ADGRL4: variants seen among roughly 807,000 people sequenced by gnomAD.
ADGRL4 encodes the protein adhesion G protein-coupled receptor L4.
In ADGRL4, 90 loss-of-function variants were observed where a neutral mutation model predicts 74.8. The observed-to-expected ratio is 1.20, with a 90% CI of 1.02 to 1.43. The LOEUF (loss-of-function observed/expected upper bound fraction) is 1.43. Ranked by LOEUF, ADGRL4 falls within the 40% of genes most tolerant of loss-of-function variation. The pLI is 0.00. For missense variants in ADGRL4, 881 were observed against 814.3 expected (o/e 1.08, Z -1.00); for synonymous variants, 311 against 279.2 (o/e 1.11, Z -1.14).
At position 78,937,949 on chromosome 1, in the gene ADGRL4, T is replaced by C. The variant is rs201459206; in HGVS notation, c.618A>G (p.Thr206=). The change falls in exon 6 of 15, where the codon ACA becomes ACG. Residue 206 remains threonine, a synonymous_variant. Transcript: ENST00000370742. The stretch of plus-strand genomic sequence containing the variant: ...CAGATAACTTGTCCCAAACTACAAA[T>C]GTATCCCTTTGAACAAAATTATTCA... ...KTVNNFVQRD[T]FVVWDKLSVN... 18 of 1,612,262 alleles carry C rather than the reference T, an allele frequency of 1.1e-5. No individual in the cohort carries two copies. The highest frequency in any genetic ancestry group is 1.3e-5 in the Non-Finnish European group (15 of 1,179,570).
chr1:78,946,537 G>T, intron 2 of ADGRL4, 111 bp from the exon 3 acceptor site: 1 of 846,818 alleles, frequency 1.2e-6, no homozygotes, highest in Non-Finnish European at 1.8e-6. Context: ...GGTATGTGAT[G>T]TTTATATCTA....
intron 10 of ADGRL4, 119 bp from the exon 11 acceptor site, chr1:78,918,169 T>G (rs1266420822): frequency 2.8e-6 from 2 of 720,788 alleles, no homozygotes; most frequent in East Asian, 5.4e-5. Flanking sequence ...GTATGCCACT[T>G]TATATAATGA....
At position 79,006,695 on chromosome 1, in the gene ADGRL4, G is replaced by A. The variant is rs754119998; in HGVS notation, c.-41C>T. ...TGGTGGCGGTGGCGGAGAGCGCGGC[G>A]GAGTGAGTGCGGCTGTGGACCCGGG... On this transcript the variant is annotated 5_prime_UTR_variant, in exon 1 of 15. Transcript: ENST00000370742. 4 of 1,460,342 alleles carry A rather than the reference G, an allele frequency of 2.7e-6. No individual in the cohort carries two copies. The highest frequency in any genetic ancestry group is 2.7e-6 in the Non-Finnish European group (3 of 1,108,112). The allele number at this position is 1,460,342 out of a possible 1,614,324, so 90.5% of individuals were successfully genotyped here. A position where few individuals can be genotyped will look rare whatever the true frequency, so the allele number is the denominator to read the frequency against.
chr1:78,958,509 G>A (rs1356310529), intron 2 of ADGRL4, among the ~76,000 whole-genome samples: 1 of 152,128 alleles, frequency 6.6e-6, no homozygotes, highest in African/African-American at 2.4e-5. Context: ...CTTCAGTGGA[G>A]GAAGTAACTG....
Position 78,920,254 on chromosome 1 carries a change from TG to T in ADGRL4, c.1389del (p.His463GlnfsTer40), listed in dbSNP as rs776474128. ...AGAAATAGGCTACAGCAAAGATTTT[TG>T]TGAATTGTTGTCCTGGTGCTTTGAA... ...SEIQSTRTTI[H>X]KNLCCSLFLA... On this transcript the variant is annotated frameshift_variant, in exon 10 of 15. Transcript: ENST00000370742. LOFTEE classifies it high-confidence loss of function. 1 of 1,612,144 alleles carries T rather than the reference TG, an allele frequency of 6.2e-7. No homozygotes were observed.
Position 78,917,706 on chromosome 1 carries a change from A to G in ADGRL4, c.1683-6T>C. The G allele has an allele frequency of 2.5e-6, 4 of 1,604,104 alleles. No homozygotes were observed. The highest frequency in any genetic ancestry group is 2.6e-6 in the Non-Finnish European group (3 of 1,174,694). On this transcript the variant is annotated splice_polypyrimidine_tract_variant and splice_region_variant and intron_variant, in intron 11 of 14. Coordinates refer to ENST00000370742, the MANE Select transcript of ADGRL4 (RefSeq NM_022159.4). ...TTTCGGTGCTAAGCCAACATCTGAA[A>G]AGTAAATAAAAGATAGAATCTATAA...
At chr1:78,973,446 T>C (rs1489385) in intron 2 of ADGRL4, among the ~76,000 whole-genome samples, 150,512 of 151,606 alleles carry the variant, frequency 0.99, 74,727 homozygotes, top group Middle Eastern at 1. Flanking sequence ...TAAGACTGCA[T>C]TTAAAGTTTC....
intron 12 of ADGRL4, among the ~76,000 whole-genome samples, chr1:78,894,730 T>G (rs574893158): frequency 1.3e-5 from 2 of 151,966 alleles, no homozygotes; most frequent in African/African-American, 4.8e-5. Context: ...CCATTATTGG[T>G]TTGAAAAACT....
chr1:78,901,127 A>G (rs900579209), intron 12 of ADGRL4, among the ~76,000 whole-genome samples: 2 of 152,200 alleles, frequency 1.3e-5, no homozygotes, highest in African/African-American at 4.8e-5. Flanking sequence ...AAATATTAAT[A>G]TTAATTCCAT....
intron 12 of ADGRL4, among the ~76,000 whole-genome samples, chr1:78,905,629 A>T (rs2100658569): frequency 1.3e-5 from 2 of 152,144 alleles, no homozygotes; most frequent in South Asian, 4.1e-4. Flanking sequence ...ATGCTCATTG[A>T]TGACTCCTGA....
At chr1:78,906,050 C>T (rs981488032) in intron 12 of ADGRL4, among the ~76,000 whole-genome samples, 3 of 151,878 alleles carry the variant, frequency 2.0e-5, no homozygotes, top group African/African-American at 7.2e-5. Flanking sequence ...TGTGGATAGA[C>T]ACAATGGACA....
At chr1:78,971,160 TA>T (rs1475000462) in intron 2 of ADGRL4, among the ~76,000 whole-genome samples, 4 of 152,194 alleles carry the variant, frequency 2.6e-5, no homozygotes, top group Non-Finnish European at 5.9e-5. Flanking sequence ...GATAGGCCTC[TA>T]AGAAAACTCT....
intron 2 of ADGRL4, among the ~76,000 whole-genome samples, chr1:78,977,956 CAAAT>C (rs1650321255): frequency 6.6e-6 from 1 of 151,868 alleles, no homozygotes; most frequent in East Asian, 1.9e-4. Flanking sequence ...AAGAAATTAA[CAAAT>C]AAACATGTGT....
At chr1:78,986,501 C>T (rs1319241662) in intron 2 of ADGRL4, among the ~76,000 whole-genome samples, 2 of 151,690 alleles carry the variant, frequency 1.3e-5, no homozygotes, top group Non-Finnish European at 2.9e-5. Flanking sequence ...GACACAGCTA[C>T]TCTGGAGGCT....
At chr1:78,938,361 T>G in intron 4 of ADGRL4, 82 bp from the exon 5 acceptor site, 1 of 1,195,762 alleles carries the variant, frequency 8.4e-7, no homozygotes, top group Admixed American at 3.1e-5. Flanking sequence ...ATGTTAAATT[T>G]ACCCTGAGGT....
At chr1:78,975,672 G>A (rs1385168208) in intron 2 of ADGRL4, among the ~76,000 whole-genome samples, 1 of 151,804 alleles carries the variant, frequency 6.6e-6, no homozygotes, top group Non-Finnish European at 1.5e-5. Flanking sequence ...TGCCTCAATA[G>A]TATGCATTTG....
At chr1:79,001,045 A>T (rs1290758597) in intron 2 of ADGRL4, among the ~76,000 whole-genome samples, 1 of 151,972 alleles carries the variant, frequency 6.6e-6, no homozygotes, top group Non-Finnish European at 1.5e-5. Context: ...AATAATCCTT[A>T]AATATTATCT....
intron 12 of ADGRL4, among the ~76,000 whole-genome samples, chr1:78,912,325 T>C (rs1431453110): frequency 6.6e-6 from 1 of 151,906 alleles, no homozygotes; most frequent in Non-Finnish European, 1.5e-5. Context: ...ACTGAGTTCC[T>C]GGCCATGATG....
chr1:78,951,815 G>A (rs1051272454), intron 2 of ADGRL4, among the ~76,000 whole-genome samples: 1 of 152,164 alleles, frequency 6.6e-6, no homozygotes, highest in Non-Finnish European at 1.5e-5. Flanking sequence ...TTATTTTTCA[G>A]CGTTGAAGAG....
Sources: gnomAD v4.1 joint callset for allele counts (sites outside exome capture counted in the v4.1 genomes callset) on GRCh38, gnomAD v4.1.1 for gene constraint, MANE v1.5 for transcripts, NCBI Gene and HGNC (gene_info 2026-07-23, HGNC 2026-07-21) for gene names.